The following ADGRL3 variants were observed in gnomAD, a reference collection of about 807,000 sequenced individuals.
ADGRL3 encodes the protein adhesion G protein-coupled receptor L3.
In ADGRL3, 62 loss-of-function variants were observed where a neutral mutation model predicts 153.5. That is an observed-to-expected ratio of 0.40 (90% CI 0.33 to 0.50). The LOEUF (loss-of-function observed/expected upper bound fraction) is 0.50. ADGRL3 is among the 20% of genes least tolerant of loss of function. The pLI, the probability that ADGRL3 is intolerant of heterozygous loss-of-function variation, is 0.47. For synonymous variants in ADGRL3, 710 were observed against 672.5 expected, an observed-to-expected ratio of 1.06 and a Z score of -0.86; for missense variants, 1,641 against 1,859.4, an observed-to-expected ratio of 0.88 and a Z score of 2.16.
chr4:61,920,241 G>A (rs1237884668), intron 13 of ADGRL3, among the ~76,000 whole-genome samples: 1 of 152,042 alleles, frequency 6.6e-6, no homozygotes, highest in African/African-American at 2.4e-5. Context: ...TTCTTTAATA[G>A]CTTGATGATT....
intron 9 of ADGRL3, among the ~76,000 whole-genome samples, chr4:61,849,290 C>A (rs890966590): frequency 6.6e-6 from 1 of 152,054 alleles, no homozygotes; most frequent in Non-Finnish European, 1.5e-5. Flanking sequence ...AGAAAGAGAT[C>A]CTGAAATTGC....
At chr4:61,852,010 C>T (rs1374985285) in intron 9 of ADGRL3, among the ~76,000 whole-genome samples, 1 of 152,136 alleles carries the variant, frequency 6.6e-6, no homozygotes, top group African/African-American at 2.4e-5. Context: ...TGGTTAGTGT[C>T]TAAGTAATTC....
intron 1 of ADGRL3, among the ~76,000 whole-genome samples, chr4:61,252,209 C>A (rs889856249): frequency 1.1e-4 from 16 of 151,982 alleles, no homozygotes; most frequent in Non-Finnish European, 1.8e-4. Context: ...GGACAAATTG[C>A]CTATTTTAAA....
At chr4:61,781,180 G>T (rs1398497077) in intron 8 of ADGRL3, among the ~76,000 whole-genome samples, 2 of 151,956 alleles carry the variant, frequency 1.3e-5, no homozygotes, top group South Asian at 4.2e-4. Flanking sequence ...TACAAAATTA[G>T]CCAGGCACAG....
chr4:61,446,069 C>T (rs1277408062), intron 2 of ADGRL3, among the ~76,000 whole-genome samples: 2 of 152,060 alleles, frequency 1.3e-5, no homozygotes, highest in African/African-American at 4.8e-5. Flanking sequence ...TATGTGGTGT[C>T]GGCACAATGA....
At chr4:61,514,151 CA>C (rs1340535188) in intron 3 of ADGRL3, among the ~76,000 whole-genome samples, 1 of 152,146 alleles carries the variant, frequency 6.6e-6, no homozygotes, top group African/African-American at 2.4e-5. Flanking sequence ...TCAATTTAGA[CA>C]AGTGAGTGGA....
chr4:61,558,333 G>C (rs2098778106), intron 4 of ADGRL3, among the ~76,000 whole-genome samples: 1 of 151,046 alleles, frequency 6.6e-6, no homozygotes, highest in South Asian at 2.1e-4. Flanking sequence ...TTTCTTCCTT[G>C]GACTTTTCTA....
intron 1 of ADGRL3, among the ~76,000 whole-genome samples, chr4:61,280,278 T>G (rs1328376616): frequency 6.6e-6 from 1 of 151,706 alleles, no homozygotes; most frequent in Non-Finnish European, 1.5e-5. Flanking sequence ...CCTGGCTAAT[T>G]TTTGTATTTT....
chr4:61,960,699 T>TTTTTGTTTTG (rs113531067), intron 17 of ADGRL3, among the ~76,000 whole-genome samples: 2 of 151,832 alleles, frequency 1.3e-5, no homozygotes, highest in African/African-American at 4.8e-5. Flanking sequence ...GGATTAGTGT[T>TTTTTGTTTTG]TTTTGTTTTG....
intron 1 of ADGRL3, among the ~76,000 whole-genome samples, chr4:61,342,639 T>C (rs2095829106): frequency 6.6e-6 from 1 of 152,166 alleles, no homozygotes; most frequent in South Asian, 2.1e-4. Context: ...CAACCTTCTT[T>C]CCCATTTATT....
intron 8 of ADGRL3, among the ~76,000 whole-genome samples, chr4:61,764,643 T>G (rs149507817): frequency 0.087 from 13,183 of 151,988 alleles, 1,239 homozygotes; most frequent in African/African-American, 0.23. Flanking sequence ...CCATCTGGGC[T>G]TATAGGTGCA....
chr4:61,480,528 A>T (rs992360556), intron 2 of ADGRL3, among the ~76,000 whole-genome samples: 1 of 152,136 alleles, frequency 6.6e-6, no homozygotes, highest in Non-Finnish European at 1.5e-5. Context: ...GCTCACGCCT[A>T]TAATTCCGGC....
chr4:61,619,113 T>A (rs991964744), intron 5 of ADGRL3, among the ~76,000 whole-genome samples: 1 of 152,098 alleles, frequency 6.6e-6, no homozygotes, highest in Non-Finnish European at 1.5e-5. Context: ...CAGAGACAAT[T>A]TGTGGAGAAA....
At chr4:61,757,473 T>G (rs551406913) in intron 8 of ADGRL3, among the ~76,000 whole-genome samples, 9 of 152,322 alleles carry the variant, frequency 5.9e-5, no homozygotes, top group African/African-American at 2.2e-4. Context: ...GATATCCCCT[T>G]TATCATTTTT....
At chr4:61,664,933 C>A (rs1452751164) in intron 5 of ADGRL3, among the ~76,000 whole-genome samples, 2 of 152,142 alleles carry the variant, frequency 1.3e-5, no homozygotes, top group African/African-American at 2.4e-5. Flanking sequence ...CTTTAGGTAG[C>A]CAGGTCCTTA....
intron 2 of ADGRL3, among the ~76,000 whole-genome samples, chr4:61,423,609 G>A (rs1050061636): frequency 2.6e-5 from 4 of 152,202 alleles, no homozygotes; most frequent in Non-Finnish European, 5.9e-5. Flanking sequence ...GGACTAGGTG[G>A]AGGCCAACGG....
intron 1 of ADGRL3, among the ~76,000 whole-genome samples, chr4:61,339,085 A>T (rs1021529004): frequency 6.6e-6 from 1 of 152,196 alleles, no homozygotes; most frequent in African/African-American, 2.4e-5. Context: ...TAAGTGCTAT[A>T]GAGTCAGATT....
intron 5 of ADGRL3, among the ~76,000 whole-genome samples, chr4:61,636,405 G>A (rs982165652): frequency 2.0e-5 from 3 of 152,034 alleles, no homozygotes; most frequent in African/African-American, 7.2e-5. Flanking sequence ...ACAACATGTG[G>A]GCTAGTTTCT....
Position 61,202,935 on chromosome 4 carries a change from T to TG in ADGRL3, c.-240+1173dup, listed in dbSNP as rs1735461242. The stretch of plus-strand genomic sequence containing the variant: ...GCTGAGCTTGCTTATTGAAATCGCC[T>TG]GGGATCCTCTTAACTGGAAAATCTG... On this transcript the variant is annotated intron_variant, in intron 1 of 26. Transcript: ENST00000683033. The surrounding 1 kb of genome is among the most constrained non-coding windows in gnomAD (Gnocchi z 5.0). Among the ~76,000 whole-genome samples the TG allele has an allele frequency of 6.6e-6, 1 of 152,148 alleles. No homozygotes were observed. Among genetic ancestry groups the TG allele is most frequent in the Non-Finnish European group, 1.5e-5 (1 of 68,018 alleles).
Sources: allele counts gnomAD v4.1 joint callset (sites outside exome capture counted in the v4.1 genomes callset), GRCh38; gene constraint gnomAD v4.1.1; non-coding constraint Gnocchi (gnomAD v3.1); transcripts MANE v1.5; gene names NCBI Gene and HGNC (gene_info 2026-07-23, HGNC 2026-07-21).